KCNK2: variants seen among roughly 807,000 people sequenced by gnomAD.
KCNK2 encodes the protein potassium channel subfamily K member 2.
A neutral mutation model predicts 40.5 loss-of-function variants in KCNK2; 21 were observed. The ratio of observed to expected loss-of-function variants is 0.52; its 90% CI spans 0.37 to 0.75. The LOEUF (loss-of-function observed/expected upper bound fraction) is 0.75, where lower values mean the gene tolerates loss of function less well. Ranked by LOEUF, KCNK2 falls within the 30% of genes least tolerant of loss-of-function variation. The probability of loss-of-function intolerance (pLI) is 0.00; values close to 1 mark genes in which losing one functional copy is unlikely to be tolerated. For missense variants in KCNK2, 399 were observed against 531.6 expected (o/e 0.75, Z 2.45); for synonymous variants, 191 against 202.2 (o/e 0.94, Z 0.47).
intron 2 of KCNK2, among the ~76,000 whole-genome samples, chr1:215,093,763 T>TAAA (rs1169220447): frequency 0.014 from 792 of 54,914 alleles, 21 homozygotes; most frequent in African/African-American, 0.069. Flanking sequence ...ATATATTATA[T>TAAA]AATATAAAAT....
chr1:215,195,781 G>T (rs945016117), intron 6 of KCNK2, among the ~76,000 whole-genome samples: 1 of 152,090 alleles, frequency 6.6e-6, no homozygotes, highest in Admixed American at 6.6e-5. Context: ...ACATATCCAG[G>T]ATCACTATTA....
chr1:215,068,049 CTTT>C (rs397782084), intron 1 of KCNK2, among the ~76,000 whole-genome samples: 1 of 138,232 alleles, frequency 7.2e-6, no homozygotes. Flanking sequence ...GTTTCTTTTT[CTTT>C]TTTTTTTTTT....
At chr1:215,203,468 A>T (rs1665164473) in intron 6 of KCNK2, among the ~76,000 whole-genome samples, 1 of 152,080 alleles carries the variant, frequency 6.6e-6, no homozygotes, top group Non-Finnish European at 1.5e-5. Context: ...TTCTTTCCAC[A>T]TGGGTTTCTG....
At chr1:215,071,015 A>G (rs1327839388) in intron 1 of KCNK2, among the ~76,000 whole-genome samples, 1 of 152,218 alleles carries the variant, frequency 6.6e-6, no homozygotes, top group African/African-American at 2.4e-5. Context: ...ATTTACTTCT[A>G]CTATATGAAG....
At chr1:215,111,929 G>C (rs1481143988) in intron 2 of KCNK2, among the ~76,000 whole-genome samples, 1 of 109,398 alleles carries the variant, frequency 9.1e-6, no homozygotes. Flanking sequence ...TAGAGATTCT[G>C]TGGGCCTCAA....
intron 3 of KCNK2, among the ~76,000 whole-genome samples, chr1:215,167,434 G>C (rs1373482094): frequency 6.6e-6 from 1 of 151,794 alleles, no homozygotes; most frequent in Non-Finnish European, 1.5e-5. Context: ...GACAGTAAGA[G>C]GTTTGCTGAT....
intron 2 of KCNK2, among the ~76,000 whole-genome samples, chr1:215,114,013 G>A (rs1354134833): frequency 1.3e-5 from 2 of 152,054 alleles, no homozygotes; most frequent in South Asian, 2.1e-4. Context: ...CTGAATCCTC[G>A]AGAGACTGCA....
chr1:215,210,117 A>T (rs1307602531), intron 6 of KCNK2, among the ~76,000 whole-genome samples: 2 of 124,878 alleles, frequency 1.6e-5, no homozygotes, highest in Non-Finnish European at 3.2e-5. Flanking sequence ...TATACATACT[A>T]TATATAAATA....
chr1:215,022,045 T>C (rs11806269), intron 1 of KCNK2, among the ~76,000 whole-genome samples: 1 of 150,030 alleles, frequency 6.7e-6, no homozygotes, highest in Admixed American at 6.7e-5. Context: ...AGCTTGCAGA[T>C]GACACACTGT....
intron 3 of KCNK2, among the ~76,000 whole-genome samples, chr1:215,138,888 A>G (rs1662044308): frequency 6.6e-6 from 1 of 152,190 alleles, no homozygotes; most frequent in Admixed American, 6.5e-5. Context: ...AGTGCTGGTT[A>G]TCTTTTTAAA....
intron 1 of KCNK2, among the ~76,000 whole-genome samples, chr1:215,008,243 C>T (rs1157601220): frequency 6.6e-6 from 1 of 151,886 alleles, no homozygotes; most frequent in Non-Finnish European, 1.5e-5. Context: ...GATCCTCCCA[C>T]AAGCAGGATC....
At chr1:215,097,242 G>T (rs1660015510) in intron 2 of KCNK2, among the ~76,000 whole-genome samples, 1 of 151,892 alleles carries the variant, frequency 6.6e-6, no homozygotes, top group South Asian at 2.1e-4. Context: ...CATGTAAGAA[G>T]ATTCTAGACA....
At chr1:215,151,394 G>A (rs1230973590) in intron 3 of KCNK2, among the ~76,000 whole-genome samples, 1 of 151,930 alleles carries the variant, frequency 6.6e-6, no homozygotes, top group Non-Finnish European at 1.5e-5. Context: ...CTTTTGGATT[G>A]GTCTGCCTCT....
At chr1:215,078,172 G>T (rs1291503494), upstream of KCNK2, among the ~76,000 whole-genome samples, 2 of 152,212 alleles carry the variant, frequency 1.3e-5, no homozygotes, top group Non-Finnish European at 2.9e-5. Flanking sequence ...ATGAATTTGT[G>T]TGGGGCCACA....
chr1:215,096,484 C>T lies in KCNK2; in HGVS notation c.357+9806C>T, dbSNP rs181897465. ...TCATAACCTCAAACATTTATGATTT[C>T]ATAGGCAGCAAAGAATTTTCTAAGT... is the stretch of plus-strand genomic sequence containing the variant. On this transcript the variant is annotated intron_variant, in intron 2 of 6. Coordinates refer to ENST00000444842, the MANE Select transcript of KCNK2 (RefSeq NM_001017425.3). 6.5e-3 allele frequency among the ~76,000 whole-genome samples: 983 copies of T among 152,018 alleles called. 5 individuals carry two copies. Among genetic ancestry groups the T allele is most frequent in the Non-Finnish European group, 0.011 (737 of 67,950 alleles).
intron 6 of KCNK2, among the ~76,000 whole-genome samples, chr1:215,216,951 G>A (rs548806895): frequency 2.0e-5 from 3 of 152,270 alleles, no homozygotes; most frequent in Non-Finnish European, 2.9e-5. Flanking sequence ...CTGTGCTAAT[G>A]ATATAGATTG....
chr1:215,052,258 T>C (rs1658017581), intron 1 of KCNK2, among the ~76,000 whole-genome samples: 1 of 152,058 alleles, frequency 6.6e-6, no homozygotes. Flanking sequence ...GAGTGAGCAT[T>C]TCTCAATGTA....
chr1:215,083,200 CCCCGCCCCCT>C lies in KCNK2; in HGVS notation c.-180_-171del. 10 of 748,128 alleles carry C rather than the reference CCCCGCCCCCT, an allele frequency of 1.3e-5. No individual in the cohort carries two copies. Among genetic ancestry groups the C allele is most frequent in the Non-Finnish European group, 2.1e-5 (10 of 470,960 alleles). 46.3% of individuals were successfully genotyped at this position (748,128 alleles called of 1,614,324 possible). A position where few individuals can be genotyped will look rare whatever the true frequency, so the allele number is the denominator to read the frequency against. On this transcript the variant is annotated 5_prime_UTR_variant, in exon 1 of 7. Transcript: ENST00000444842. ...ATTTCGTTTCTTCTCACGCTCCCCC[CCCCGCCCCCT>C]CCCGCGTCCAGCCCCGCTCTCCCCA... is the stretch of plus-strand genomic sequence containing the variant.
At chr1:215,215,052 TGA>T (rs1665900544) in intron 6 of KCNK2, among the ~76,000 whole-genome samples, 1 of 152,198 alleles carries the variant, frequency 6.6e-6, no homozygotes, top group South Asian at 2.1e-4. Flanking sequence ...AGGAGGCTAG[TGA>T]GAGAGAAACC....
Sources: gnomAD v4.1 joint callset for allele counts (sites outside exome capture counted in the v4.1 genomes callset) on GRCh38, gnomAD v4.1.1 for gene constraint, MANE v1.5 for transcripts, NCBI Gene and HGNC (gene_info 2026-07-23, HGNC 2026-07-21) for gene names.